CPNE4: variants seen among roughly 807,000 people sequenced by gnomAD.
CPNE4 encodes copine-4.
In CPNE4, 25 loss-of-function variants were observed where a neutral mutation model predicts 67.9. The ratio of observed to expected loss-of-function variants is 0.37; its 90% CI spans 0.27 to 0.51. CPNE4 has a LOEUF of 0.51. Among genes scored for constraint, CPNE4 ranks in the 20% least tolerant of loss-of-function variants. The probability of loss-of-function intolerance (pLI) is 0.93; values close to 1 mark genes in which losing one functional copy is unlikely to be tolerated. For missense variants in CPNE4, 464 were observed against 690.8 expected, an observed-to-expected ratio of 0.67 and a Z score of 3.68; for synonymous variants, 242 against 244.9, an observed-to-expected ratio of 0.99 and a Z score of 0.11.
intron 7 of CPNE4, among the ~76,000 whole-genome samples, chr3:131,600,510 T>G (rs1265254416): frequency 6.6e-6 from 1 of 152,142 alleles, no homozygotes; most frequent in Non-Finnish European, 1.5e-5. Context: ...TTTCCACCAG[T>G]CTTTGTTTTA....
chr3:131,806,451 G>A (rs973652017), intron 2 of CPNE4, among the ~76,000 whole-genome samples: 1 of 151,154 alleles, frequency 6.6e-6, no homozygotes, highest in Non-Finnish European at 1.5e-5. Context: ...TCTGGAGGCT[G>A]AGGCAGGAGA....
At chr3:131,605,874 C>A (rs72999268) in intron 7 of CPNE4, among the ~76,000 whole-genome samples, 1 of 152,262 alleles carries the variant, frequency 6.6e-6, no homozygotes, top group South Asian at 2.1e-4. Flanking sequence ...ACAGTAAGAA[C>A]AGGTTTGAGG....
chr3:131,744,795 T>C (rs985988459), intron 2 of CPNE4, among the ~76,000 whole-genome samples: 2 of 152,220 alleles, frequency 1.3e-5, no homozygotes, highest in East Asian at 3.8e-4. Flanking sequence ...TGAGTACAAT[T>C]CCATGATATA....
intron 3 of CPNE4, among the ~76,000 whole-genome samples, chr3:131,708,306 G>A (rs750420151): frequency 2.6e-5 from 4 of 152,140 alleles, no homozygotes; most frequent in Non-Finnish European, 4.4e-5. Flanking sequence ...AAGATGGCAA[G>A]GGGTGTGGAG....
chr3:131,974,583 G>C (rs1184920740), intron 1 of CPNE4, among the ~76,000 whole-genome samples: 1 of 152,146 alleles, frequency 6.6e-6, no homozygotes, highest in African/African-American at 2.4e-5. Flanking sequence ...AATGTGATCT[G>C]ATTCATTAAG....
intron 1 of CPNE4, among the ~76,000 whole-genome samples, chr3:132,020,365 C>T (rs1050323783): frequency 2.0e-5 from 3 of 152,162 alleles, no homozygotes; most frequent in African/African-American, 7.2e-5. Context: ...GGGCTCTGCT[C>T]ACACCTTAGC....
At chr3:131,985,879 G>A (rs1030693879) in intron 1 of CPNE4, 3 of 154,000 alleles carry the variant, frequency 1.9e-5, no homozygotes, top group African/African-American at 4.8e-5. Context: ...CCATCATCCT[G>A]TTATGTTTGC....
At chr3:132,026,911 C>T (rs972886008) in intron 1 of CPNE4, among the ~76,000 whole-genome samples, 5 of 152,134 alleles carry the variant, frequency 3.3e-5, no homozygotes, top group African/African-American at 1.2e-4. Flanking sequence ...CAAAGCAAAA[C>T]AGCTATTAAG....
At chr3:131,868,929 C>T (rs1463518) in intron 2 of CPNE4, among the ~76,000 whole-genome samples, 49,196 of 151,892 alleles carry the variant, frequency 0.32, 8,494 homozygotes, top group African/African-American at 0.43. Context: ...TCATATTCTC[C>T]CCAAAGTATC....
At chr3:131,881,925 G>T (rs1353182135) in intron 2 of CPNE4, among the ~76,000 whole-genome samples, 1 of 152,118 alleles carries the variant, frequency 6.6e-6, no homozygotes, top group Non-Finnish European at 1.5e-5. Flanking sequence ...TGCACACAAA[G>T]ATTTCTCCAT....
intron 1 of CPNE4, among the ~76,000 whole-genome samples, chr3:131,984,117 G>A (rs1017516153): frequency 6.6e-6 from 1 of 152,116 alleles, no homozygotes; most frequent in African/African-American, 2.4e-5. Context: ...TAACACATTA[G>A]CTAGGCAGGT....
chr3:131,948,030 T>C (rs2071609598), intron 1 of CPNE4, among the ~76,000 whole-genome samples: 1 of 146,068 alleles, frequency 6.8e-6, no homozygotes, highest in African/African-American at 2.4e-5. Context: ...GGGGTGTCTT[T>C]CTATTTTTTA....
At chr3:131,753,225 G>C (rs182593025) in intron 2 of CPNE4, among the ~76,000 whole-genome samples, 2 of 151,770 alleles carry the variant, frequency 1.3e-5, no homozygotes, top group Non-Finnish European at 2.9e-5. Context: ...TAAGAAAAAA[G>C]TAAAATTTTG....
chr3:131,960,074 CAG>C (rs1309999491), intron 1 of CPNE4, among the ~76,000 whole-genome samples: 4 of 147,218 alleles, frequency 2.7e-5, no homozygotes, highest in Non-Finnish European at 6.0e-5. Context: ...ATGAGCGAGA[CAG>C]AGTGAGATAA....
At chr3:131,740,004 G>A (rs768648151) in intron 2 of CPNE4, among the ~76,000 whole-genome samples, 3 of 152,230 alleles carry the variant, frequency 2.0e-5, no homozygotes, top group Non-Finnish European at 4.4e-5. Context: ...AATGGGAAGA[G>A]ATACCTCTTA....
At chr3:131,822,115 CAG>C (rs1489933787) in intron 2 of CPNE4, among the ~76,000 whole-genome samples, 9 of 152,256 alleles carry the variant, frequency 5.9e-5, no homozygotes, top group African/African-American at 1.9e-4. Flanking sequence ...ATTTACAAAA[CAG>C]AGTAAAAGGC....
intron 2 of CPNE4, among the ~76,000 whole-genome samples, chr3:131,880,171 G>A (rs2087616241): frequency 6.8e-6 from 1 of 146,374 alleles, no homozygotes; most frequent in South Asian, 2.1e-4. Context: ...CTGTTGCCCA[G>A]GCTGCAGTGC....
chr3:131,891,793 T>A (rs1039643701), intron 2 of CPNE4, among the ~76,000 whole-genome samples: 1 of 152,148 alleles, frequency 6.6e-6, no homozygotes, highest in African/African-American at 2.4e-5. Context: ...ATAGTGTATA[T>A]GTACCACATT....
At chr3:131,868,867 C>T (rs1477494676) in intron 2 of CPNE4, among the ~76,000 whole-genome samples, 2 of 152,180 alleles carry the variant, frequency 1.3e-5, no homozygotes, top group South Asian at 2.1e-4. Context: ...TTAGAGTGAA[C>T]GACCGTCTCT....
Sources: allele counts gnomAD v4.1 joint callset (sites outside exome capture counted in the v4.1 genomes callset), GRCh38; gene constraint gnomAD v4.1.1; transcripts MANE v1.5; gene names NCBI Gene and HGNC (gene_info 2026-07-23, HGNC 2026-07-21).